WNT2: variants seen among roughly 807,000 people sequenced by gnomAD.
The protein encoded by WNT2 is Wnt family member 2, also known as protein Wnt-2.
In WNT2, 12 loss-of-function variants were observed where a neutral mutation model predicts 36.9. The ratio of observed to expected loss-of-function variants is 0.33; its 90% CI spans 0.21 to 0.53. The LOEUF (loss-of-function observed/expected upper bound fraction) is 0.53. WNT2 is among the 20% of genes least tolerant of loss of function. The pLI, the probability that WNT2 is intolerant of heterozygous loss-of-function variation, is 0.95. For synonymous variants in WNT2, 163 were observed against 174.6 expected, an observed-to-expected ratio of 0.93 and a Z score of 0.52; for missense variants, 379 against 473.1, an observed-to-expected ratio of 0.80 and a Z score of 1.84.
intron 3 of WNT2, among the ~76,000 whole-genome samples, chr7:117,310,586 A>C (rs1020491948): frequency 1.8e-4 from 27 of 146,548 alleles, no homozygotes; most frequent in Non-Finnish European, 3.4e-4. Flanking sequence ...CTGTCTCAAA[A>C]AAAAAAAAAA....
chr7:117,312,214 A>G lies in WNT2; in HGVS notation c.588+2857T>C, dbSNP rs1795136203. Reference sequence around the variant, plus strand: ...GGTCTCGTGCTGTCACCCAGGCTGGAATGCTGTGGTGTGATCAAGACTCAC... The same window carrying G: ...GGTCTCGTGCTGTCACCCAGGCTGGGATGCTGTGGTGTGATCAAGACTCAC... On this transcript the variant is annotated intron_variant, in intron 3 of 4. Coordinates refer to ENST00000265441, the MANE Select transcript of WNT2 (RefSeq NM_003391.3). 2.0e-5 allele frequency among the ~76,000 whole-genome samples: 3 copies of G among 152,078 alleles called. No individual in the cohort carries two copies. The South Asian group carries it at 6.2e-4, about 31-fold the overall frequency.
At chr7:117,296,997 C>T (rs1405779106) in intron 4 of WNT2, among the ~76,000 whole-genome samples, 1 of 152,156 alleles carries the variant, frequency 6.6e-6, no homozygotes, top group African/African-American at 2.4e-5. Flanking sequence ...TCCATAGTCA[C>T]AGTGGTGGGA....
chr7:117,316,764 T>C (rs1795227724), intron 2 of WNT2, among the ~76,000 whole-genome samples: 1 of 152,180 alleles, frequency 6.6e-6, no homozygotes. Context: ...TGTAGTTAGG[T>C]AAAATCAATT....
chr7:117,314,920 T>C, intron 3 of WNT2, 151 bp downstream of exon 3: 1 of 1,194,896 alleles, frequency 8.4e-7, no homozygotes, highest in Non-Finnish European at 1.2e-6. Context: ...TTGTTGGTAT[T>C]CTTCCGAACA....
chr7:117,303,833 C>T (rs1436491187), intron 3 of WNT2, among the ~76,000 whole-genome samples: 10 of 152,134 alleles, frequency 6.6e-5, no homozygotes, highest in Admixed American at 5.2e-4. Context: ...GGTGTTTTCT[C>T]GTTCTATTTG....
intron 3 of WNT2, among the ~76,000 whole-genome samples, chr7:117,304,198 A>C (rs1400603247): frequency 2.0e-5 from 3 of 152,200 alleles, no homozygotes; most frequent in African/African-American, 7.2e-5. Flanking sequence ...AAAACTTTGA[A>C]AGTATACCTC....
Position 117,320,626 on chromosome 7 carries a change from C to CGGTGCTGGCGGAACT in WNT2, c.236_250dup (p.Gln79_His83dup), listed in dbSNP as rs779390807. 6.2e-7 allele frequency: 1 copy of CGGTGCTGGCGGAACT among 1,613,918 alleles called. No individual in the cohort carries two copies. Among genetic ancestry groups the CGGTGCTGGCGGAACT allele is most frequent in the Non-Finnish European group, 8.5e-7 (1 of 1,179,958 alleles). On this transcript the variant is annotated inframe_insertion, in exon 2 of 5. Coordinates refer to ENST00000265441, the MANE Select transcript of WNT2 (RefSeq NM_003391.3). Reference sequence around the variant, plus strand: ...CCTGTCCAGGGTGTTGCAATTCCAGCGGTGCTGGCGGAACTGGTGCTGGCA... The same window carrying CGGTGCTGGCGGAACT: ...CCTGTCCAGGGTGTTGCAATTCCAGCGGTGCTGGCGGAACTGGTGCTGGCGGAACTGGTGCTGGCA...
At chr7:117,310,807 C>T (rs1795107805) in intron 3 of WNT2, among the ~76,000 whole-genome samples, 1 of 152,138 alleles carries the variant, frequency 6.6e-6, no homozygotes. Context: ...AATCTTTTAT[C>T]TCCAGCTCAA....
intron 4 of WNT2, among the ~76,000 whole-genome samples, chr7:117,283,049 C>T (rs183637027): frequency 3.3e-4 from 50 of 152,246 alleles, no homozygotes; most frequent in Middle Eastern, 3.4e-3. Flanking sequence ...ATGGGGGACA[C>T]TTGGTTAGGG....
At chr7:117,309,954 A>AC (rs1795090942) in intron 3 of WNT2, among the ~76,000 whole-genome samples, 1 of 150,936 alleles carries the variant, frequency 6.6e-6, no homozygotes, top group Admixed American at 6.6e-5. Context: ...TAGTAAATCT[A>AC]TTTTTTTTTG....
At position 117,283,101 on chromosome 7, in the gene WNT2, T is replaced by C. The variant is rs1489241309; in HGVS notation, c.854-4717A>G. On this transcript the variant is annotated intron_variant, in intron 4 of 4. Transcript: ENST00000265441. Reference sequence around the variant, plus strand: ...GATAATGAATTCAGTTTTCAACAGGTTGAGTTTGCTGTGACTGTGGGGCAT... The same window carrying C: ...GATAATGAATTCAGTTTTCAACAGGCTGAGTTTGCTGTGACTGTGGGGCAT... 4.6e-5 allele frequency among the ~76,000 whole-genome samples: 7 copies of C among 152,234 alleles called. No homozygotes were observed. In the South Asian group the frequency reaches 8.3e-4, roughly 18 times the overall value.
intron 4 of WNT2, among the ~76,000 whole-genome samples, chr7:117,290,407 A>G (rs1376438557): frequency 6.6e-6 from 1 of 152,198 alleles, no homozygotes; most frequent in East Asian, 1.9e-4. Flanking sequence ...GCCACTAAAG[A>G]GTTTGAAAAG....
At chr7:117,280,907 G>GA (rs967168899) in intron 4 of WNT2, among the ~76,000 whole-genome samples, 2 of 152,138 alleles carry the variant, frequency 1.3e-5, no homozygotes, top group African/African-American at 2.4e-5. Flanking sequence ...ATATATCAGA[G>GA]AAAAAAAATG....
chr7:117,312,631 T>C (rs921817685), intron 3 of WNT2, among the ~76,000 whole-genome samples: 2 of 152,228 alleles, frequency 1.3e-5, no homozygotes, highest in Admixed American at 6.5e-5. Flanking sequence ...TAGTACTTAT[T>C]CATAGTCCTA....
At position 117,275,654 on chromosome 7, in the gene WNT2, C is replaced by G. The variant is rs192169517; in HGVS notation, c.*2501G>C. ...TGAGAGTTTCAGTGTATTTCAGGTT[C>G]CTGGAATACTGATCCTCTACCAAGC... is the stretch of plus-strand genomic sequence containing the variant. On this transcript the variant is annotated 3_prime_UTR_variant, in exon 5 of 5. Coordinates refer to ENST00000265441, the MANE Select transcript of WNT2 (RefSeq NM_003391.3). 5.9e-4 allele frequency among the ~76,000 whole-genome samples: 90 copies of G among 152,280 alleles called. No homozygotes were observed. The highest frequency in any genetic ancestry group is 1.2e-3 in the Non-Finnish European group (79 of 68,026).
At chr7:117,290,081 T>C (rs1424010395) in intron 4 of WNT2, among the ~76,000 whole-genome samples, 2 of 152,136 alleles carry the variant, frequency 1.3e-5, no homozygotes, top group Admixed American at 1.3e-4. Flanking sequence ...AGCAGGTTGA[T>C]ATAATTGTAT....
intron 4 of WNT2, among the ~76,000 whole-genome samples, chr7:117,296,887 C>CT (rs1794800645): frequency 6.6e-6 from 1 of 152,120 alleles, no homozygotes; most frequent in Non-Finnish European, 1.5e-5. Context: ...TACATTCTTG[C>CT]TTTTTATCTT....
At chr7:117,287,489 A>T (rs1584677479) in intron 4 of WNT2, among the ~76,000 whole-genome samples, 1 of 139,930 alleles carries the variant, frequency 7.1e-6, no homozygotes. Context: ...AGCCCAGCTA[A>T]CCTCCTTCAT....
At chr7:117,316,341 G>A (rs2116388746) in intron 2 of WNT2, among the ~76,000 whole-genome samples, 1 of 152,316 alleles carries the variant, frequency 6.6e-6, no homozygotes, top group South Asian at 2.1e-4. Context: ...TAGGGTCCGT[G>A]TGCACCTCAT....
Sources: allele counts gnomAD v4.1 joint callset (sites outside exome capture counted in the v4.1 genomes callset), GRCh38; gene constraint gnomAD v4.1.1; transcripts MANE v1.5; gene names NCBI Gene and HGNC (gene_info 2026-07-23, HGNC 2026-07-21).